ADGRE1: variants seen among roughly 807,000 people sequenced by gnomAD.
ADGRE1 encodes adhesion G protein-coupled receptor E1, also known as EGF-like module receptor 1.
A neutral mutation model predicts 102.7 loss-of-function variants in ADGRE1; 82 were observed. That is an observed-to-expected ratio of 0.80 (90% CI 0.67 to 0.96). The LOEUF (loss-of-function observed/expected upper bound fraction) is 0.96. Among genes scored for constraint, ADGRE1 ranks in the 40% least tolerant of loss-of-function variants. ADGRE1 has a pLI of 0.00. For synonymous variants in ADGRE1, 398 were observed against 399.6 expected (o/e 1.00, Z 0.05); for missense variants, 1,032 against 1,085.3 (o/e 0.95, Z 0.69).
rs915587490 is a variant in ADGRE1, at chr19:6,921,956, A to G, written c.1791+73A>G. ...TCCAATGGGAAAATATTGATTAAACATCTGTTGTGTGTCTCCCATGGGGTT... is the reference window on the plus strand; with the variant it reads ...TCCAATGGGAAAATATTGATTAAACGTCTGTTGTGTGTCTCCCATGGGGTT... On this transcript the variant is annotated intron_variant, in intron 14 of 20. Transcript: ENST00000312053. 4.6e-6 allele frequency: 7 copies of G among 1,511,128 alleles called. No homozygotes were observed. In the African/African-American group the frequency reaches 6.9e-5, roughly 15 times the overall value. 93.6% of individuals were successfully genotyped at this position (1,511,128 alleles called of 1,614,324 possible).
At chr19:6,919,854 G>A in intron 13 of ADGRE1, 107 bp downstream of exon 13, 1 of 1,115,660 alleles carries the variant, frequency 9.0e-7, no homozygotes, top group Non-Finnish European at 1.3e-6. Context: ...AGGCCGGTAA[G>A]CTTCCACAAT....
chr19:6,929,402 A>G (rs919122910), intron 17 of ADGRE1, among the ~76,000 whole-genome samples: 1 of 152,068 alleles, frequency 6.6e-6, no homozygotes, highest in African/African-American at 2.4e-5. Context: ...GAGCGCGAGG[A>G]AGCTGGCCAC....
chr19:6,917,622 C>T (rs1214698932), intron 12 of ADGRE1, among the ~76,000 whole-genome samples: 2 of 151,760 alleles, frequency 1.3e-5, no homozygotes, highest in African/African-American at 4.8e-5. Context: ...TGCCTGTAAT[C>T]CCAGCTACTC....
chr19:6,932,091 T>G (rs11879887), intron 17 of ADGRE1, among the ~76,000 whole-genome samples: 80,449 of 152,040 alleles, frequency 0.53, 23,173 homozygotes, highest in African/African-American at 0.76. Context: ...TGGAGTTGGA[T>G]GGGCAAGCCC....
Position 6,924,973 on chromosome 19 carries a change from G to A in ADGRE1, c.1986+101G>A. ...CCCTCTATCCCTGTTCCTACCTCAGGGCCTTTGCATATGCTGTGCCCTCTG... is the reference window on the plus strand; with the variant it reads ...CCCTCTATCCCTGTTCCTACCTCAGAGCCTTTGCATATGCTGTGCCCTCTG... On this transcript the variant is annotated intron_variant, in intron 15 of 20. Coordinates refer to ENST00000312053, the MANE Select transcript of ADGRE1 (RefSeq NM_001974.5). The A allele has an allele frequency of 8.6e-6, 11 of 1,283,718 alleles. No individual in the cohort carries two copies. The South Asian group carries it at 1.5e-4, about 18-fold the overall frequency. The allele number at this position is 1,283,718 out of a possible 1,614,324, so 79.5% of individuals were successfully genotyped here.
At chr19:6,908,658 A>G (rs776551943) in intron 9 of ADGRE1, 31 bp from the exon 10 acceptor site, 2 of 1,438,116 alleles carry the variant, frequency 1.4e-6, no homozygotes, top group African/African-American at 1.5e-5. Flanking sequence ...CATGCTCACA[A>G]ATGCTCTTTT....
rs938563666 is a variant in ADGRE1, at chr19:6,919,628, C to G, written c.1501C>G (p.Pro501Ala). ...NERFFKDHQA[P>A]LTTSEIKLKM... The stretch of plus-strand genomic sequence containing the variant: ...GCGCTTCTTCAAAGACCACCAGGCT[C>G]CCTTGACCACCTCTGAGATCAAGCT... The change falls in exon 13 of 21, where the codon CCC becomes GCC. Residue 501 changes from proline (P) to alanine (A), a missense_variant. Coordinates refer to ENST00000312053, the MANE Select transcript of ADGRE1 (RefSeq NM_001974.5). The G allele has an allele frequency of 6.2e-7, 1 of 1,613,466 alleles. No homozygotes were observed. Among genetic ancestry groups the G allele is most frequent in the South Asian group, 1.1e-5 (1 of 91,030 alleles).
At chr19:6,935,112 ATTTCCTCTTTC>A in intron 18 of ADGRE1, 34 bp downstream of exon 18, 1 of 1,525,204 alleles carries the variant, frequency 6.6e-7, no homozygotes. Flanking sequence ...CCCTCTTTTA[ATTTCCTCTTTC>A]TTCTTCCCAG....
chr19:6,922,468 A>G (rs1235043687), intron 14 of ADGRE1, among the ~76,000 whole-genome samples: 2 of 151,800 alleles, frequency 1.3e-5, no homozygotes, highest in Non-Finnish European at 2.9e-5. Flanking sequence ...TATAAAAATT[A>G]GCTGGGCATG....
At chr19:6,898,165 G>A (rs1330086363) in intron 5 of ADGRE1, 1 of 682,082 alleles carries the variant, frequency 1.5e-6, no homozygotes, top group African/African-American at 1.8e-5. Context: ...TCAAGATGGG[G>A]ACGTACCTTC....
intron 16 of ADGRE1, among the ~76,000 whole-genome samples, chr19:6,927,793 C>T (rs1186925958): frequency 6.6e-6 from 1 of 152,096 alleles, no homozygotes; most frequent in Non-Finnish European, 1.5e-5. Context: ...TCCCAAGTAG[C>T]TGGGATTACA....
chr19:6,923,367 G>T (rs1974751988), intron 14 of ADGRE1, among the ~76,000 whole-genome samples: 1 of 151,962 alleles, frequency 6.6e-6, no homozygotes, highest in Non-Finnish European at 1.5e-5. Context: ...TATGCTTCTG[G>T]CACAGTTGTA....
chr19:6,897,375 T>C, intron 4 of ADGRE1, 53 bp from the exon 5 acceptor site: 1 of 1,603,908 alleles, frequency 6.2e-7, no homozygotes, highest in Non-Finnish European at 8.5e-7. Flanking sequence ...CATGTATTTC[T>C]GAACTGAGGC....
chr19:6,933,339 A>T (rs1200689518), intron 17 of ADGRE1, among the ~76,000 whole-genome samples: 1 of 151,178 alleles, frequency 6.6e-6, no homozygotes, highest in East Asian at 1.9e-4. Flanking sequence ...GTGATTCTCC[A>T]CTGGTGCAGT....
intron 17 of ADGRE1, among the ~76,000 whole-genome samples, chr19:6,929,543 G>A (rs1975059491): frequency 6.6e-6 from 1 of 150,546 alleles, no homozygotes; most frequent in East Asian, 2.0e-4. Context: ...TTTTTTTTTA[G>A]ACGGAGTCTC....
rs1210289709 is a variant in ADGRE1, at chr19:6,905,342, T to C, written c.950-1091T>C. ...AAGCCTGGGTGACAGAGTGAGACCC[T>C]GTCTTTTGTTTTTTTTTCTTTTTTT... On this transcript the variant is annotated intron_variant, in intron 8 of 20. Coordinates refer to ENST00000312053, the MANE Select transcript of ADGRE1 (RefSeq NM_001974.5). Among the ~76,000 whole-genome samples, 3 of 147,066 alleles carry C rather than the reference T, an allele frequency of 2.0e-5. No individual in the cohort carries two copies. In the East Asian group the frequency reaches 6.2e-4, roughly 30 times the overall value.
intron 1 of ADGRE1, among the ~76,000 whole-genome samples, chr19:6,889,687 C>CAAAAAAAAAAA (rs1178774112): frequency 2.4e-5 from 1 of 41,772 alleles, no homozygotes; most frequent in African/African-American, 1.0e-4. Flanking sequence ...GACTCCATCT[C>CAAAAAAAAAAA]AAAAAAAAAA....
rs1973200008 is a variant in ADGRE1 at position 6,887,642 on chromosome 19, G to C, written c.31+3G>C. The C allele has an allele frequency of 6.2e-7, 1 of 1,610,712 alleles. No individual in the cohort carries two copies. Among genetic ancestry groups the C allele is most frequent in the East Asian group, 2.2e-5 (1 of 44,632 alleles). ...CTTCAACCTGCTCCTCTTCTGGGGTGAGTGTGAGGCTGAATGGGGGGCTAG... is the reference window on the plus strand; with the variant it reads ...CTTCAACCTGCTCCTCTTCTGGGGTCAGTGTGAGGCTGAATGGGGGGCTAG... On this transcript the variant is annotated splice_donor_region_variant and intron_variant, in intron 1 of 20. Transcript: ENST00000312053.
At chr19:6,922,457 A>G (rs141908776) in intron 14 of ADGRE1, among the ~76,000 whole-genome samples, 1 of 151,552 alleles carries the variant, frequency 6.6e-6, no homozygotes, top group South Asian at 2.1e-4. Flanking sequence ...TCTACTAAGA[A>G]TATAAAAATT....
Sources: allele counts gnomAD v4.1 joint callset (sites outside exome capture counted in the v4.1 genomes callset), GRCh38; gene constraint gnomAD v4.1.1; transcripts MANE v1.5; gene names NCBI Gene and HGNC (gene_info 2026-07-23, HGNC 2026-07-21).